The following AK5 variants were observed in gnomAD, a reference collection of about 807,000 sequenced individuals.
AK5 encodes the protein adenylate kinase isoenzyme 5.
In AK5, 27 loss-of-function variants were observed where a neutral mutation model predicts 69.5. The observed-to-expected ratio is 0.39, with a 90% CI of 0.29 to 0.54. The LOEUF (loss-of-function observed/expected upper bound fraction) is 0.54. Ranked by LOEUF, AK5 falls within the 20% of genes least tolerant of loss-of-function variation. The pLI is 0.71. For missense variants in AK5, 531 were observed against 700.4 expected, an observed-to-expected ratio of 0.76 and a Z score of 2.73; for synonymous variants, 260 against 244.4, an observed-to-expected ratio of 1.06 and a Z score of -0.60.
chr1:77,397,319 C>A (rs1557559237), intron 6 of AK5, among the ~76,000 whole-genome samples: 1 of 152,170 alleles, frequency 6.6e-6, no homozygotes, highest in Non-Finnish European at 1.5e-5. Flanking sequence ...CCAAGCACAC[C>A]TCCATCACAG....
intron 6 of AK5, among the ~76,000 whole-genome samples, chr1:77,370,001 T>C (rs1647090340): frequency 6.6e-6 from 1 of 152,238 alleles, no homozygotes; most frequent in African/African-American, 2.4e-5. Flanking sequence ...GAAAGTCATA[T>C]AATTTCTCCA....
rs1557652175 is a variant in AK5, at chr1:77,521,942, G to A, written c.1427G>A (p.Arg476Lys). 6.3e-7 allele frequency: 1 copy of A among 1,596,058 alleles called. No homozygotes were observed. The highest frequency in any genetic ancestry group is 8.5e-7 in the Non-Finnish European group (1 of 1,172,004). The change falls in exon 12 of 14, where the codon AGG becomes AAG. Residue 476 changes from arginine (R) to lysine (K), a missense_variant and splice_region_variant. Coordinates refer to ENST00000354567, the MANE Select transcript of AK5 (RefSeq NM_174858.3). The part of the protein sequence containing the change: ...EVKQGEEFGR[R>K]IGDPQLVICM... The stretch of plus-strand genomic sequence containing the variant: ...AAGCAAGGGGAAGAGTTCGGACGCA[G>A]GGTGAGTGGTTGTTACGGGCATCCT...
At chr1:77,500,310 G>A (rs994041788) in intron 10 of AK5, among the ~76,000 whole-genome samples, 22 of 152,144 alleles carry the variant, frequency 1.4e-4, no homozygotes, top group Admixed American at 2.6e-4. Flanking sequence ...AGTAGCACAC[G>A]GTTTCCGTAT....
At chr1:77,401,076 G>A (rs74092608) in intron 6 of AK5, among the ~76,000 whole-genome samples, 1,817 of 152,128 alleles carry the variant, frequency 0.012, 43 homozygotes, top group African/African-American at 0.041. Flanking sequence ...CGTCCACTTA[G>A]GTGTTTCTCT....
At chr1:77,545,322 C>G (rs140278136) in intron 13 of AK5, among the ~76,000 whole-genome samples, 2 of 152,256 alleles carry the variant, frequency 1.3e-5, no homozygotes, top group East Asian at 1.9e-4. Context: ...GACACACACA[C>G]ACAACCATGG....
chr1:77,450,007 C>A (rs1653039268), intron 8 of AK5, among the ~76,000 whole-genome samples: 2 of 152,074 alleles, frequency 1.3e-5, no homozygotes, highest in Non-Finnish European at 2.9e-5. Context: ...AAATTTCTTC[C>A]ACCAGATACC....
chr1:77,461,599 G>A (rs1004653349), intron 8 of AK5, among the ~76,000 whole-genome samples: 7 of 151,640 alleles, frequency 4.6e-5, no homozygotes, highest in South Asian at 2.1e-4. Flanking sequence ...GTGAAATCCC[G>A]TCTCTACTAA....
chr1:77,539,460 T>TTCATCCCACTGCCCC (rs1553162237), intron 13 of AK5, among the ~76,000 whole-genome samples: 1 of 152,186 alleles, frequency 6.6e-6, no homozygotes, highest in Non-Finnish European at 1.5e-5. Context: ...GGGAGGCTGC[T>TTCATCCCACTGCCCC]TCATCCCACT....
intron 6 of AK5, among the ~76,000 whole-genome samples, chr1:77,397,286 C>CCA (rs1648895167): frequency 6.6e-6 from 1 of 152,128 alleles, no homozygotes; most frequent in Non-Finnish European, 1.5e-5. Flanking sequence ...CCACACGTAC[C>CCA]CACCGCCTGG....
At chr1:77,334,410 A>G (rs867523633) in intron 5 of AK5, among the ~76,000 whole-genome samples, 23 of 152,106 alleles carry the variant, frequency 1.5e-4, no homozygotes, top group African/African-American at 3.1e-4. Flanking sequence ...CAGTTTTACT[A>G]TGATGTGCTT....
intron 11 of AK5, among the ~76,000 whole-genome samples, chr1:77,521,026 A>G (rs1255767113): frequency 6.6e-6 from 1 of 152,362 alleles, no homozygotes; most frequent in East Asian, 1.9e-4. Flanking sequence ...ATTTTCAACA[A>G]AGAAAGTGAT....
chr1:77,432,887 G>C (rs1041172055), intron 8 of AK5, among the ~76,000 whole-genome samples: 5 of 152,182 alleles, frequency 3.3e-5, no homozygotes, highest in African/African-American at 1.2e-4. Context: ...AAAATTAAGA[G>C]GGGCAAGAGT....
intron 9 of AK5, 83 bp downstream of exon 9, chr1:77,483,442 G>A (rs1655397900): frequency 9.3e-7 from 1 of 1,078,444 alleles, no homozygotes; most frequent in Admixed American, 1.7e-5. Flanking sequence ...CAACTTGAGA[G>A]AAAAAATATT....
intron 5 of AK5, among the ~76,000 whole-genome samples, chr1:77,311,412 C>T (rs897697080): frequency 6.6e-6 from 1 of 152,142 alleles, no homozygotes; most frequent in Admixed American, 6.5e-5. Flanking sequence ...GTTTGACTCT[C>T]ATTCAATGTG....
rs925061526 is a variant in AK5 at position 77,329,083 on chromosome 1, C to T, written c.700-11294C>T. 2.0e-5 allele frequency among the ~76,000 whole-genome samples: 3 copies of T among 151,734 alleles called. No homozygotes were observed. The South Asian group carries it at 6.2e-4, about 32-fold the overall frequency. On this transcript the variant is annotated intron_variant, in intron 5 of 13. Coordinates refer to ENST00000354567, the MANE Select transcript of AK5 (RefSeq NM_174858.3). ...TAGAATGGCAACTAAATTGCCAACACGTGAACTTTTGGTGGACATACTCAA... is the reference window on the plus strand; with the variant it reads ...TAGAATGGCAACTAAATTGCCAACATGTGAACTTTTGGTGGACATACTCAA...
At chr1:77,286,173 G>T (rs982755058) in intron 1 of AK5, among the ~76,000 whole-genome samples, 12 of 151,924 alleles carry the variant, frequency 7.9e-5, no homozygotes, top group African/African-American at 2.9e-4. Flanking sequence ...AATATGCACT[G>T]TACAAATATG....
intron 8 of AK5, among the ~76,000 whole-genome samples, chr1:77,472,920 C>A (rs1051291802): frequency 3.3e-5 from 5 of 152,108 alleles, no homozygotes; most frequent in African/African-American, 1.2e-4. Context: ...TGCCACCTCT[C>A]CTCTGACTCT....
At chr1:77,303,757 A>T (rs1570344583) in intron 5 of AK5, among the ~76,000 whole-genome samples, 1 of 152,360 alleles carries the variant, frequency 6.6e-6, no homozygotes, top group Middle Eastern at 3.4e-3. Flanking sequence ...CATTGTAGAC[A>T]TCTGCATGTT....
chr1:77,464,634 T>G (rs1378478500), intron 8 of AK5, among the ~76,000 whole-genome samples: 1 of 152,168 alleles, frequency 6.6e-6, no homozygotes, highest in Non-Finnish European at 1.5e-5. Flanking sequence ...GGCTCATCAG[T>G]GGCAAAGATA....
Sources: allele counts gnomAD v4.1 joint callset (sites outside exome capture counted in the v4.1 genomes callset), GRCh38; gene constraint gnomAD v4.1.1; transcripts MANE v1.5; gene names NCBI Gene and HGNC (gene_info 2026-07-23, HGNC 2026-07-21).